CFAP70: variants seen among roughly 807,000 people sequenced by gnomAD.
The protein encoded by CFAP70 is cilia- and flagella-associated protein 70.
Under a neutral mutation model 137.6 loss-of-function variants are expected in CFAP70, and 81 were observed. That is an observed-to-expected ratio of 0.59 (90% CI 0.49 to 0.71). The LOEUF is 0.71. Among genes scored for constraint, CFAP70 ranks in the 30% least tolerant of loss-of-function variants. CFAP70 has a pLI of 0.00. For missense variants in CFAP70, 976 were observed against 1,226.7 expected, an observed-to-expected ratio of 0.80 and a Z score of 3.05; for synonymous variants, 382 against 423.6, an observed-to-expected ratio of 0.90 and a Z score of 1.20.
intron 25 of CFAP70, among the ~76,000 whole-genome samples, chr10:73,257,324 A>G (rs1261327913): frequency 2.0e-5 from 3 of 152,208 alleles, no homozygotes; most frequent in African/African-American, 7.2e-5. Flanking sequence ...TATCAGAATT[A>G]CTTCTATGAA....
At chr10:73,264,229 C>G (rs188995894) in intron 25 of CFAP70, among the ~76,000 whole-genome samples, 77 of 152,238 alleles carry the variant, frequency 5.1e-4, no homozygotes, top group Admixed American at 2.1e-3. Flanking sequence ...AGCCTCTGGT[C>G]CCCCCACAAA....
At chr10:73,297,659 G>A (rs1045414337) in intron 14 of CFAP70, among the ~76,000 whole-genome samples, 1 of 152,158 alleles carries the variant, frequency 6.6e-6, no homozygotes, top group African/African-American at 2.4e-5. Flanking sequence ...TTTAGAAGAT[G>A]ATTGAGAAGC....
At chr10:73,310,515 AC>A (rs968907639) in intron 11 of CFAP70, among the ~76,000 whole-genome samples, 1 of 152,206 alleles carries the variant, frequency 6.6e-6, no homozygotes, top group Non-Finnish European at 1.5e-5. Flanking sequence ...GCCCTGTTTA[AC>A]TTGTTCTCAA....
At chr10:73,313,594 G>A (rs1490844570) in intron 9 of CFAP70, among the ~76,000 whole-genome samples, 1 of 149,756 alleles carries the variant, frequency 6.7e-6, no homozygotes, top group African/African-American at 2.5e-5. Flanking sequence ...TGTAATCCCA[G>A]CACTTTAGGG....
intron 24 of CFAP70, among the ~76,000 whole-genome samples, chr10:73,272,405 G>A (rs12569957): frequency 0.11 from 16,031 of 152,154 alleles, 1,217 homozygotes; most frequent in East Asian, 0.3. Flanking sequence ...GAGACATGGA[G>A]TCAATAATAT....
At chr10:73,268,717 G>A (rs753274942) in intron 25 of CFAP70, among the ~76,000 whole-genome samples, 10 of 149,530 alleles carry the variant, frequency 6.7e-5, no homozygotes, top group Non-Finnish European at 1.2e-4. Context: ...TTTTTGAGAC[G>A]AGGTCTCACT....
chr10:73,329,425 G>T (rs929554281), intron 8 of CFAP70, among the ~76,000 whole-genome samples: 4 of 152,012 alleles, frequency 2.6e-5, no homozygotes, highest in African/African-American at 7.3e-5. Flanking sequence ...CACCAGCACG[G>T]CACATGCATA....
intron 20 of CFAP70, 81 bp from the exon 22 acceptor site, chr10:73,277,442 CGG>C (rs2046850806): frequency 6.7e-7 from 1 of 1,481,914 alleles, no homozygotes; most frequent in Non-Finnish European, 9.1e-7. Context: ...CGGGTGGGTG[CGG>C]TGGCTCACGC....
At chr10:73,278,214 G>C in exon 20 of CFAP70, 1 of 1,613,946 alleles carries the variant, frequency 6.2e-7, no homozygotes. Flanking sequence ...AAATGTGTTA[G>C]ATGGTTTTTG....
intron 25 of CFAP70, among the ~76,000 whole-genome samples, chr10:73,257,185 G>A (rs911368894): frequency 6.6e-5 from 10 of 152,152 alleles, no homozygotes; most frequent in African/African-American, 2.4e-4. Context: ...TTACAGAGAG[G>A]ATAAGTAACT....
chr10:73,343,368 C>T (rs943925632), intron 5 of CFAP70, among the ~76,000 whole-genome samples: 2 of 151,984 alleles, frequency 1.3e-5, no homozygotes, highest in African/African-American at 4.8e-5. Flanking sequence ...AATCATGGCC[C>T]CATGCTCAGG....
intron 25 of CFAP70, among the ~76,000 whole-genome samples, chr10:73,262,404 C>T (rs1449635948): frequency 1.3e-5 from 2 of 152,002 alleles, no homozygotes; most frequent in Admixed American, 1.3e-4. Context: ...TGTATTCAAG[C>T]CACCCTTATT....
chr10:73,303,549 A>G (rs1323594893), intron 12 of CFAP70, among the ~76,000 whole-genome samples: 1 of 152,078 alleles, frequency 6.6e-6, no homozygotes, highest in Admixed American at 6.6e-5. Context: ...CTTTTGCTCT[A>G]TAATTTTATC....
At chr10:73,353,770 A>G (rs2054458607) in intron 2 of CFAP70, 28 bp from the exon 3 acceptor site, 2 of 1,600,302 alleles carry the variant, frequency 1.2e-6, no homozygotes, top group South Asian at 1.1e-5. Flanking sequence ...CCACTTTACA[A>G]TTATATTCAA....
At chr10:73,287,054 C>T (rs955337781) in intron 19 of CFAP70, among the ~76,000 whole-genome samples, 1 of 152,178 alleles carries the variant, frequency 6.6e-6, no homozygotes, top group African/African-American at 2.4e-5. Flanking sequence ...GCGTTGTGGC[C>T]ATCACAACAT....
At chr10:73,280,229 G>A (rs2047161830) in intron 19 of CFAP70, among the ~76,000 whole-genome samples, 1 of 152,202 alleles carries the variant, frequency 6.6e-6, no homozygotes, top group African/African-American at 2.4e-5. Context: ...AGCTATTTGG[G>A]AAGCTGAGGT....
intron 12 of CFAP70, among the ~76,000 whole-genome samples, chr10:73,302,883 C>CTTTT (rs1554895440): frequency 5.3e-5 from 7 of 130,974 alleles, no homozygotes; most frequent in South Asian, 2.5e-4. Flanking sequence ...CTTTTCTTTT[C>CTTTT]TTTTTTTTTT....
chr10:73,341,480 A>G, exon 6 of CFAP70: 1 of 1,614,228 alleles, frequency 6.2e-7, no homozygotes, highest in Non-Finnish European at 8.5e-7. Flanking sequence ...TAGCTCCTGG[A>G]GCCAGAATGT....
At chr10:73,296,981 T>C in intron 15 of CFAP70, 61 bp downstream of exon 16, 1 of 1,560,834 alleles carries the variant, frequency 6.4e-7, no homozygotes, top group Non-Finnish European at 8.7e-7. Context: ...GAAGGAATTA[T>C]TCATAGAAGA....
Sources: gnomAD v4.1 joint callset for allele counts (sites outside exome capture counted in the v4.1 genomes callset) on GRCh38, gnomAD v4.1.1 for gene constraint, MANE v1.5 for transcripts, NCBI Gene and HGNC (gene_info 2026-07-23, HGNC 2026-07-21) for gene names.